SC5D: variants seen among roughly 807,000 people sequenced by gnomAD.
SC5D encodes the protein lathosterol oxidase.
Under a neutral mutation model 23.9 loss-of-function variants are expected in SC5D, and 21 were observed. That is an observed-to-expected ratio of 0.88 (90% CI 0.62 to 1.26). The LOEUF (loss-of-function observed/expected upper bound fraction) is 1.26, where lower values mean the gene tolerates loss of function less well. Among genes scored for constraint, SC5D ranks in the 50% most tolerant of loss-of-function variants. The probability of loss-of-function intolerance (pLI) is 0.00; values close to 1 mark genes in which losing one functional copy is unlikely to be tolerated. For missense variants in SC5D, 309 were observed against 364.8 expected, an observed-to-expected ratio of 0.85 and a Z score of 1.25; for synonymous variants, 113 against 125.9, an observed-to-expected ratio of 0.90 and a Z score of 0.68.
rs1055650022 is a variant in SC5D, at chr11:121,311,268, C to T, written c.*3756C>T. Among the ~76,000 whole-genome samples, 18 of 152,240 alleles carry T rather than the reference C, an allele frequency of 1.2e-4. No homozygotes were observed. The highest frequency in any genetic ancestry group is 9.8e-4 in the Admixed American group (15 of 15,282). ...ATAAATCCCTGATAGGTGCTAAGCA[C>T]TGCACTAGGTAAAAATTCTCTTCTG... is the stretch of plus-strand genomic sequence containing the variant. On this transcript the variant is annotated 3_prime_UTR_variant, in exon 5 of 5. Coordinates refer to ENST00000264027, the MANE Select transcript of SC5D (RefSeq NM_006918.5).
At chr11:121,295,870 C>G (rs997287392) in intron 1 of SC5D, among the ~76,000 whole-genome samples, 5 of 152,154 alleles carry the variant, frequency 3.3e-5, no homozygotes, top group African/African-American at 1.2e-4. Flanking sequence ...CACTTCCCAG[C>G]AAACGTGGGT....
rs1426590921 is a variant in SC5D, at chr11:121,304,509, G to A, written c.343+16G>A. ...TTTCCATATGGTAAGTAAATAACAC[G>A]AGTGTCAGGAAGAGAGTAGTCTAAG... On this transcript the variant is annotated intron_variant, in intron 3 of 4. Transcript: ENST00000264027. The A allele has an allele frequency of 6.8e-6, 11 of 1,611,670 alleles. No homozygotes were observed. Among genetic ancestry groups the A allele is most frequent in the East Asian group, 6.7e-5 (3 of 44,776 alleles).
chr11:121,300,099 A>T (rs1947915763), intron 1 of SC5D, among the ~76,000 whole-genome samples: 1 of 152,232 alleles, frequency 6.6e-6, no homozygotes, highest in African/African-American at 2.4e-5. Context: ...ACAGCAGAGT[A>T]AGAATCTCTG....
chr11:121,293,850 A>G (rs1013123812), intron 1 of SC5D, among the ~76,000 whole-genome samples: 1 of 152,226 alleles, frequency 6.6e-6, no homozygotes, highest in Non-Finnish European at 1.5e-5. Flanking sequence ...ATCTTGAGAG[A>G]TAACATAACG....
chr11:121,303,878 ATTATT>A (rs1947943390), intron 2 of SC5D: 1 of 291,400 alleles, frequency 3.4e-6, no homozygotes, highest in Non-Finnish European at 6.4e-6. Context: ...CATTTATGTA[ATTATT>A]TTAATATATG....
rs1947980517 is a variant in SC5D, at chr11:121,307,968, T to C, written c.*456T>C. 6.3e-6 allele frequency: 1 copy of C among 158,296 alleles called. No individual in the cohort carries two copies. The allele number at this position is 158,296 out of a possible 1,614,324, so 9.8% of individuals were successfully genotyped here. A position where few individuals can be genotyped will look rare whatever the true frequency, so the allele number is the denominator to read the frequency against. The stretch of plus-strand genomic sequence containing the variant: ...TTCTTGTTTCAGGAATGGTTAATTC[T>C]TCAACGTTGGTATGATAATGATAAC... On this transcript the variant is annotated 3_prime_UTR_variant, in exon 5 of 5. Transcript: ENST00000264027.
At chr11:121,304,206 C>A in intron 2 of SC5D, 155 bp from the exon 3 acceptor site, 2 of 638,642 alleles carry the variant, frequency 3.1e-6, no homozygotes, top group Non-Finnish European at 5.5e-6. Flanking sequence ...TTCTTACATA[C>A]CTATTTTTAT....
chr11:121,297,577 T>C (rs1947898207), intron 1 of SC5D, among the ~76,000 whole-genome samples: 1 of 152,210 alleles, frequency 6.6e-6, no homozygotes, highest in Non-Finnish European at 1.5e-5. Context: ...GTTTTGTTAA[T>C]TTGGGTTTAA....
rs762503690 is a variant in SC5D at position 121,304,294 on chromosome 11, C to G, written c.211-67C>G. 6.2e-6 allele frequency: 9 copies of G among 1,454,010 alleles called. No homozygotes were observed. In the Admixed American group the frequency reaches 8.4e-5, roughly 14 times the overall value. The allele number at this position is 1,454,010 out of a possible 1,614,324, so 90.1% of individuals were successfully genotyped here. Reference sequence around the variant, plus strand: ...GAGATTTTAAAAATCCAGTCCAGAACAGTTTTATGCTAGTTTTGTTTAACA... The same window carrying G: ...GAGATTTTAAAAATCCAGTCCAGAAGAGTTTTATGCTAGTTTTGTTTAACA... On this transcript the variant is annotated intron_variant, in intron 2 of 4. Coordinates refer to ENST00000264027, the MANE Select transcript of SC5D (RefSeq NM_006918.5).
intron 1 of SC5D, among the ~76,000 whole-genome samples, chr11:121,295,527 G>A (rs1258285367): frequency 1.3e-5 from 2 of 152,176 alleles, no homozygotes; most frequent in Non-Finnish European, 2.9e-5. Flanking sequence ...GGATGACTTT[G>A]AGTCCTGTCT....
chr11:121,301,042 C>A (rs1160775694), intron 1 of SC5D, among the ~76,000 whole-genome samples: 5 of 152,176 alleles, frequency 3.3e-5, no homozygotes, highest in Non-Finnish European at 5.9e-5. Context: ...TCAAGAGTTA[C>A]CCCATCATAT....
At chr11:121,306,538 T>C (rs753720386) in intron 4 of SC5D, 52 bp downstream of exon 4, 2 of 892,374 alleles carry the variant, frequency 2.2e-6, no homozygotes, top group African/African-American at 3.3e-5. Flanking sequence ...TTCAGCAATG[T>C]ATGATTATAA....
At chr11:121,300,578 C>T (rs965009801) in intron 1 of SC5D, among the ~76,000 whole-genome samples, 1 of 152,200 alleles carries the variant, frequency 6.6e-6, no homozygotes, top group Non-Finnish European at 1.5e-5. Flanking sequence ...TATCAGCTGG[C>T]ACTAACAAAA....
rs1947987947 is a variant in SC5D at position 121,308,786 on chromosome 11, CTGTTTATATTTCACATTT to C, written c.*1276_*1293del. 4.6e-5 allele frequency: 7 copies of C among 152,702 alleles called. No individual in the cohort carries two copies. In the South Asian group the frequency reaches 1.5e-3, roughly 32 times the overall value. 9.5% of individuals were successfully genotyped at this position (152,702 alleles called of 1,614,324 possible). A position where few individuals can be genotyped will look rare whatever the true frequency, so the allele number is the denominator to read the frequency against. On this transcript the variant is annotated 3_prime_UTR_variant, in exon 5 of 5. Transcript: ENST00000264027. Reference sequence around the variant, plus strand: ...GGGGGAAAGAAGTGGGTACCACATTCTGTTTATATTTCACATTTTAACTAGATTTGAGTGTTTTTAGCA... The same window carrying C: ...GGGGGAAAGAAGTGGGTACCACATTCTAACTAGATTTGAGTGTTTTTAGCA...
rs774144359 is a variant in SC5D, at chr11:121,303,439, T to C, written c.64T>C (p.Trp22Arg). 10 of 1,613,932 alleles carry C rather than the reference T, an allele frequency of 6.2e-6. No individual in the cohort carries two copies. Among genetic ancestry groups the C allele is most frequent in the South Asian group, 4.4e-5 (4 of 91,086 alleles). Reference sequence around the variant, plus strand: ...TACACCATACGTGTATCCAGCCACATGGCCAGAAGATGACATCTTCCGACA... The same window carrying C: ...TACACCATACGTGTATCCAGCCACACGGCCAGAAGATGACATCTTCCGACA... ...FFTPYVYPAT[W>R]PEDDIFRQAI... Residue 22 changes from tryptophan (W) to arginine (R), a missense_variant, in exon 2 of 5, where the codon TGG becomes CGG. Coordinates refer to ENST00000264027, the MANE Select transcript of SC5D (RefSeq NM_006918.5).
rs1948003669 is a variant in SC5D at position 121,310,649 on chromosome 11, A to G, written c.*3137A>G. ...CTAATTTTTTATATTTTTAGTAGAGATGGGGTTTCACCGTGTTAGCCAGGA... is the reference window on the plus strand; with the variant it reads ...CTAATTTTTTATATTTTTAGTAGAGGTGGGGTTTCACCGTGTTAGCCAGGA... On this transcript the variant is annotated 3_prime_UTR_variant, in exon 5 of 5. Transcript: ENST00000264027. Among the ~76,000 whole-genome samples the G allele has an allele frequency of 6.6e-6, 1 of 151,862 alleles. No homozygotes were observed. Among genetic ancestry groups the G allele is most frequent in the Non-Finnish European group, 1.5e-5 (1 of 67,976 alleles).
In SC5D at chr11:121,311,276, G is replaced by A. The variant is rs1387865299; in HGVS notation, c.*3764G>A. Among the ~76,000 whole-genome samples, 1 of 152,162 alleles carries A rather than the reference G, an allele frequency of 6.6e-6. No homozygotes were observed. The highest frequency in any genetic ancestry group is 1.5e-5 in the Non-Finnish European group (1 of 68,026). Reference sequence around the variant, plus strand: ...CTGATAGGTGCTAAGCACTGCACTAGGTAAAAATTCTCTTCTGATGCTGTC... The same window carrying A: ...CTGATAGGTGCTAAGCACTGCACTAAGTAAAAATTCTCTTCTGATGCTGTC... On this transcript the variant is annotated 3_prime_UTR_variant, in exon 5 of 5. Coordinates refer to ENST00000264027, the MANE Select transcript of SC5D (RefSeq NM_006918.5).
rs1370912682 is a variant in SC5D at position 121,304,257 on chromosome 11, C to T, written c.211-104C>T. On this transcript the variant is annotated intron_variant, in intron 2 of 4. Coordinates refer to ENST00000264027, the MANE Select transcript of SC5D (RefSeq NM_006918.5). ...ATAGAAACAGTTTGGAGGTAAGCCC[C>T]TTCATGTAAAAGAGATTTTAAAAAT... 7.8e-6 allele frequency: 8 copies of T among 1,020,468 alleles called. No individual in the cohort carries two copies. In the Admixed American group the frequency reaches 9.4e-5, roughly 12 times the overall value. 63.2% of individuals were successfully genotyped at this position (1,020,468 alleles called of 1,614,324 possible).
chr11:121,303,329 A>T (rs762924079), intron 1 of SC5D, 37 bp from the exon 2 acceptor site: 1 of 1,579,076 alleles, frequency 6.3e-7, no homozygotes, highest in Non-Finnish European at 8.7e-7. Flanking sequence ...AAAAATAGAG[A>T]CATGGTAACT....
Sources: gnomAD v4.1 joint callset for allele counts (sites outside exome capture counted in the v4.1 genomes callset) on GRCh38, gnomAD v4.1.1 for gene constraint, MANE v1.5 for transcripts, NCBI Gene and HGNC (gene_info 2026-07-23, HGNC 2026-07-21) for gene names.